Variants in BRAF observed in about 807,000 individuals in gnomAD.
BRAF encodes serine/threonine-protein kinase B-raf.
In BRAF, 16 loss-of-function variants were observed where a neutral mutation model predicts 104.6. The observed-to-expected ratio is 0.15, with a 90% CI of 0.10 to 0.23. The LOEUF (loss-of-function observed/expected upper bound fraction) is 0.23. BRAF is among the 10% of genes least tolerant of loss of function. The pLI, the probability that BRAF is intolerant of heterozygous loss-of-function variation, is 1.00. For missense variants in BRAF, 541 were observed against 937.3 expected, an observed-to-expected ratio of 0.58 and a Z score of 5.52; for synonymous variants, 310 against 341.6, an observed-to-expected ratio of 0.91 and a Z score of 1.02.
chr7:140,914,115 C>CAT (rs1351827364), intron 1 of BRAF, among the ~76,000 whole-genome samples: 1 of 152,202 alleles, frequency 6.6e-6, no homozygotes, highest in Non-Finnish European at 1.5e-5. Context: ...GAAATTTTTA[C>CAT]ATACATAGTA....
intron 3 of BRAF, among the ~76,000 whole-genome samples, chr7:140,809,288 G>A (rs569673842): frequency 4.6e-5 from 7 of 152,006 alleles, no homozygotes; most frequent in Non-Finnish European, 1.0e-4. Context: ...ACCCACCAAC[G>A]CAGTATATCC....
chr7:140,786,912 T>C (rs1801417138), intron 9 of BRAF, among the ~76,000 whole-genome samples: 1 of 152,240 alleles, frequency 6.6e-6, no homozygotes, highest in Non-Finnish European at 1.5e-5. Context: ...CTTGGTAAGA[T>C]ATTTTAAAAC....
chr7:140,906,637 T>TC (rs1247344689), intron 1 of BRAF, among the ~76,000 whole-genome samples: 1 of 152,212 alleles, frequency 6.6e-6, no homozygotes, highest in African/African-American at 2.4e-5. Context: ...AATGTATACT[T>TC]CATAATTTCC....
intron 3 of BRAF, among the ~76,000 whole-genome samples, chr7:140,820,510 T>C (rs961029699): frequency 2.0e-5 from 3 of 152,166 alleles, no homozygotes; most frequent in Non-Finnish European, 4.4e-5. Flanking sequence ...TGAACAATCA[T>C]AAAAAACAGA....
intron 3 of BRAF, among the ~76,000 whole-genome samples, chr7:140,821,401 G>C (rs1235660126): frequency 6.7e-6 from 1 of 148,930 alleles, no homozygotes; most frequent in African/African-American, 2.5e-5. Context: ...CCAGGGTCAA[G>C]CAATTCTCCT....
chr7:140,757,313 C>A (rs1053784410), intron 14 of BRAF, among the ~76,000 whole-genome samples: 1 of 151,610 alleles, frequency 6.6e-6, no homozygotes, highest in African/African-American at 2.4e-5. Flanking sequence ...TTTTTTGAGA[C>A]AGAGTCTCAC....
Position 140,725,003 on chromosome 7 carries a change from C to T in BRAF, c.*1491G>A, listed in dbSNP as rs1396149447. On this transcript the variant is annotated 3_prime_UTR_variant, in exon 20 of 20. Transcript: ENST00000644969. ...TGAATGCCAGTTCTTTCTATAAAAA[C>T]AACTGATGACAGCTTTCCCACACCC... is the stretch of plus-strand genomic sequence containing the variant. 1 of 1,045,924 alleles carries T rather than the reference C, an allele frequency of 9.6e-7. No individual in the cohort carries two copies. Among genetic ancestry groups the T allele is most frequent in the Non-Finnish European group, 1.2e-6 (1 of 867,260 alleles). The allele number at this position is 1,045,924 out of a possible 1,614,324, so 64.8% of individuals were successfully genotyped here.
rs375085283 is a variant in BRAF at position 140,719,474 on chromosome 7, CTTTT to C, written c.*7016_*7019del. 9.8e-7 allele frequency: 1 copy of C among 1,018,296 alleles called. No homozygotes were observed. Among genetic ancestry groups the C allele is most frequent in the Non-Finnish European group, 1.2e-6 (1 of 843,184 alleles). 63.1% of individuals were successfully genotyped at this position (1,018,296 alleles called of 1,614,324 possible). On this transcript the variant is annotated 3_prime_UTR_variant, in exon 20 of 20. Coordinates refer to ENST00000644969, the MANE Select transcript of BRAF (RefSeq NM_001374258.1). The stretch of plus-strand genomic sequence containing the variant: ...TTTCTTCAATCTGAATTTCAGCTAT[CTTTT>C]TTTATTCTCCATGCTTTCTATCCAA...
intron 1 of BRAF, among the ~76,000 whole-genome samples, chr7:140,887,880 ATTT>A (rs543315481): frequency 7.1e-6 from 1 of 140,942 alleles, no homozygotes. Flanking sequence ...TGCTCGTTTA[ATTT>A]TTTTTTTTTT....
chr7:140,781,548 T>C (rs188576768), intron 12 of BRAF, 28 bp downstream of exon 11: 14 of 1,577,232 alleles, frequency 8.9e-6, no homozygotes, highest in Admixed American at 3.3e-5. Flanking sequence ...TTATGACTTG[T>C]CACAATGTCA....
Position 140,723,597 on chromosome 7 carries a change from A to G in BRAF, c.*2897T>C. ...TTGGTCAATATTATTTCAGTGGCAA[A>G]AGTCTAGGTCCTTGACTCTAACGAT... On this transcript the variant is annotated 3_prime_UTR_variant, in exon 20 of 20. Transcript: ENST00000644969. 1 of 1,049,552 alleles carries G rather than the reference A, an allele frequency of 9.5e-7. No homozygotes were observed. The highest frequency in any genetic ancestry group is 1.2e-6 in the Non-Finnish European group (1 of 869,460). 65.0% of individuals were successfully genotyped at this position (1,049,552 alleles called of 1,614,324 possible).
intron 17 of BRAF, chr7:140,741,480 AT>A (rs1463192135): frequency 6.6e-6 from 1 of 152,186 alleles, no homozygotes; most frequent in Non-Finnish European, 1.5e-5. Context: ...AACCATGCTT[AT>A]CATACCTTTC....
intron 8 of BRAF, among the ~76,000 whole-genome samples, chr7:140,792,733 G>A (rs1802110121): frequency 6.6e-6 from 1 of 152,188 alleles, no homozygotes; most frequent in Admixed American, 6.5e-5. Context: ...TGAGGGCAAA[G>A]GCCATGTGCT....
rs562453594 is a variant in BRAF at position 140,877,075 on chromosome 7, A to G, written c.139-26863T>C. 1.4e-3 allele frequency among the ~76,000 whole-genome samples: 220 copies of G among 152,252 alleles called. 2 individuals are homozygous for G. The highest frequency in any genetic ancestry group is 4.8e-3 in the African/African-American group (201 of 41,548). ...CCCAAATTACATACTAATATTCCTC[A>G]TAATCATTAGTAAAATATTAGCATA... On this transcript the variant is annotated intron_variant, in intron 1 of 19. Transcript: ENST00000644969.
chr7:140,902,318 ACTT>A (rs758552480), intron 1 of BRAF, among the ~76,000 whole-genome samples: 4 of 152,202 alleles, frequency 2.6e-5, no homozygotes, highest in Non-Finnish European at 4.4e-5. Context: ...AAGGCAGTGA[ACTT>A]CTTCAGTAAA....
chr7:140,783,193 A>G, intron 10 of BRAF, 36 bp from the exon 10 acceptor site: 1 of 1,611,110 alleles, frequency 6.2e-7, no homozygotes, highest in Non-Finnish European at 8.5e-7. Context: ...TACATTAAGG[A>G]GGAGCAAGTA....
downstream of BRAF, among the ~76,000 whole-genome samples, chr7:140,718,560 ATT>A (rs11395007): frequency 1.3e-5 from 2 of 148,200 alleles, no homozygotes; most frequent in Non-Finnish European, 3.0e-5. Flanking sequence ...TAATTTTTGT[ATT>A]TTTTAGTAGA....
intron 1 of BRAF, among the ~76,000 whole-genome samples, chr7:140,873,911 C>T (rs1811896908): frequency 6.6e-6 from 1 of 152,112 alleles, no homozygotes; most frequent in South Asian, 2.1e-4. Flanking sequence ...AAACCTCTGA[C>T]AAATCTTTAG....
At chr7:140,844,604 C>T (rs1267602) in intron 2 of BRAF, among the ~76,000 whole-genome samples, 45,642 of 152,112 alleles carry the variant, frequency 0.3, 10,934 homozygotes, top group African/African-American at 0.67. Context: ...TGATGACCTA[C>T]TTGTAGAAAG....
Sources: allele counts gnomAD v4.1 joint callset (sites outside exome capture counted in the v4.1 genomes callset), GRCh38; gene constraint gnomAD v4.1.1; transcripts MANE v1.5; gene names NCBI Gene and HGNC (gene_info 2026-07-23, HGNC 2026-07-21).